The following MIR2052HG variants were observed in gnomAD, a reference collection of about 807,000 sequenced individuals.
MIR2052HG encodes the protein MIR2052 host gene.
intron 4 of MIR2052HG, among the ~76,000 whole-genome samples, chr8:74,734,748 A>G (rs968839133): frequency 6.6e-6 from 1 of 152,238 alleles, no homozygotes; most frequent in East Asian, 1.9e-4. Context: ...GTGTGCCAGA[A>G]ACAGGAGCCC....
rs183915403 is a variant in MIR2052HG, at chr8:74,757,561, A to G, written n.465-550A>G. 63 of 152,334 alleles carry G rather than the reference A, an allele frequency of 4.1e-4. 1 individual carries two copies. Among genetic ancestry groups the G allele is most frequent in the African/African-American group, 1.4e-3 (58 of 41,578 alleles). The allele number at this position is 152,334 out of a possible 1,614,324, so 9.4% of individuals were successfully genotyped here. A position where few individuals can be genotyped will look rare whatever the true frequency, so the allele number is the denominator to read the frequency against. On this transcript the variant is annotated intron_variant and non_coding_transcript_variant, in intron 5 of 6. Coordinates refer to ENST00000523442, the Ensembl canonical transcript of MIR2052HG. ...ACAATAACCGAATGAGGCAGAAACAATTTTGTGTCTTTTTTACAAATGGGG... is the reference window on the plus strand; with the variant it reads ...ACAATAACCGAATGAGGCAGAAACAGTTTTGTGTCTTTTTTACAAATGGGG...
rs556929731 is a variant in MIR2052HG at position 74,748,406 on chromosome 8, A to G, written n.372-4035A>G. On this transcript the variant is annotated intron_variant and non_coding_transcript_variant, in intron 4 of 6. Coordinates refer to ENST00000523442, the Ensembl canonical transcript of MIR2052HG. ...TTCACTAGTCCTATAAGCATTTTCA[A>G]TCTCTCTTGTTGAACACCACTAGTG... Among the ~76,000 whole-genome samples the G allele has an allele frequency of 2.0e-3, 308 of 152,352 alleles. 1 individual carries two copies. Among genetic ancestry groups the G allele is most frequent in the African/African-American group, 6.9e-3 (285 of 41,588 alleles).
intron 2 of MIR2052HG, among the ~76,000 whole-genome samples, chr8:74,671,193 G>T (rs890172308): frequency 6.6e-6 from 1 of 151,766 alleles, no homozygotes; most frequent in African/African-American, 2.4e-5. Flanking sequence ...AAGAATATTT[G>T]TAAGTCTGGT....
At chr8:74,615,698 T>C (rs1808270894) in intron 2 of MIR2052HG, among the ~76,000 whole-genome samples, 1 of 152,008 alleles carries the variant, frequency 6.6e-6, no homozygotes, top group African/African-American at 2.4e-5. Flanking sequence ...GCCATGTTGG[T>C]GTGCTGCACC....
chr8:74,745,625 C>G, intron 4 of MIR2052HG, among the ~76,000 whole-genome samples: 1 of 151,884 alleles, frequency 6.6e-6, no homozygotes, highest in Middle Eastern at 3.4e-3. Flanking sequence ...GAAAATAAAA[C>G]GCATGGTCCA....
At chr8:74,715,768 TG>T (rs2128742065) in intron 4 of MIR2052HG, among the ~76,000 whole-genome samples, 1 of 152,320 alleles carries the variant, frequency 6.6e-6, no homozygotes, top group South Asian at 2.1e-4. Flanking sequence ...AGTAATGTGT[TG>T]GTCCAGGGAG....
chr8:74,723,315 G>C (rs913006292), intron 4 of MIR2052HG, among the ~76,000 whole-genome samples: 1 of 151,980 alleles, frequency 6.6e-6, no homozygotes, highest in Non-Finnish European at 1.5e-5. Context: ...TGCTTTTTTG[G>C]CAAGCCAAAT....
intron 2 of MIR2052HG, among the ~76,000 whole-genome samples, chr8:74,618,184 G>A (rs1024853189): frequency 1.3e-5 from 2 of 152,162 alleles, no homozygotes; most frequent in Non-Finnish European, 2.9e-5. Flanking sequence ...TTTCTCAAAT[G>A]CTTCTGATCA....
chr8:74,685,493 A>C (rs1264092811), intron 2 of MIR2052HG, among the ~76,000 whole-genome samples: 1 of 152,120 alleles, frequency 6.6e-6, no homozygotes, highest in Admixed American at 6.6e-5. Flanking sequence ...TGTGGTTGGA[A>C]TCTGGCATTT....
intron 1 of MIR2052HG, chr8:74,603,270 G>C: frequency 6.6e-7 from 1 of 1,515,184 alleles, no homozygotes; most frequent in Admixed American, 1.7e-5. Flanking sequence ...AAGGGATTGT[G>C]GATAAATCTG....
At chr8:74,658,029 C>A (rs1213226056) in intron 2 of MIR2052HG, among the ~76,000 whole-genome samples, 1 of 152,206 alleles carries the variant, frequency 6.6e-6, no homozygotes, top group Non-Finnish European at 1.5e-5. Flanking sequence ...CTACTCCAAT[C>A]ATGTTATTTC....
At chr8:74,624,941 G>C (rs1272123498) in intron 2 of MIR2052HG, among the ~76,000 whole-genome samples, 1 of 152,184 alleles carries the variant, frequency 6.6e-6, no homozygotes, top group Non-Finnish European at 1.5e-5. Context: ...AAGTTGGACA[G>C]AGCACAGATG....
chr8:74,636,488 G>A (rs981345948), intron 2 of MIR2052HG, among the ~76,000 whole-genome samples: 1 of 152,118 alleles, frequency 6.6e-6, no homozygotes, highest in Non-Finnish European at 1.5e-5. Flanking sequence ...TGAATGCAGT[G>A]TAATAGCTCA....
At chr8:74,630,522 T>A (rs1042419221) in intron 2 of MIR2052HG, among the ~76,000 whole-genome samples, 11 of 119,458 alleles carry the variant, frequency 9.2e-5, no homozygotes, top group Non-Finnish European at 1.9e-4. Context: ...GCAAAAAGAT[T>A]TCTCTGAAAA....
chr8:74,617,144 TATATC>T (rs1354036439), intron 2 of MIR2052HG, among the ~76,000 whole-genome samples: 1 of 152,170 alleles, frequency 6.6e-6, no homozygotes, highest in Non-Finnish European at 1.5e-5. Flanking sequence ...CTTACATACA[TATATC>T]ATATAGTGGT....
At chr8:74,711,165 C>T (rs1809464553) in intron 4 of MIR2052HG, among the ~76,000 whole-genome samples, 1 of 152,218 alleles carries the variant, frequency 6.6e-6, no homozygotes, top group Admixed American at 6.5e-5. Flanking sequence ...CCTCTGGAAG[C>T]TTTCCCTGGC....
chr8:74,632,618 A>G (rs1197922855), intron 2 of MIR2052HG: 1 of 152,216 alleles, frequency 6.6e-6, no homozygotes, highest in Non-Finnish European at 1.5e-5. Flanking sequence ...TTGAAAGTAA[A>G]ACACATACAA....
intron 2 of MIR2052HG, among the ~76,000 whole-genome samples, chr8:74,644,047 T>C (rs2128735503): frequency 6.6e-6 from 1 of 152,320 alleles, no homozygotes; most frequent in Non-Finnish European, 1.5e-5. Flanking sequence ...TGCATAAATA[T>C]TTCTTATGAT....
chr8:74,674,002 GT>G (rs200810742), intron 2 of MIR2052HG, among the ~76,000 whole-genome samples: 4 of 147,344 alleles, frequency 2.7e-5, no homozygotes, highest in East Asian at 2.0e-4. Flanking sequence ...CTTTTTTTAT[GT>G]TTTTTTTTAA....
Sources: gnomAD v4.1 joint callset for allele counts (sites outside exome capture counted in the v4.1 genomes callset) on GRCh38, gnomAD v4.1.1 for gene constraint, MANE v1.5 for transcripts, NCBI Gene and HGNC (gene_info 2026-07-23, HGNC 2026-07-21) for gene names.